The following CNTNAP2 variants were observed in gnomAD, a reference collection of about 807,000 sequenced individuals.
CNTNAP2 encodes the protein contactin-associated protein-like 2.
A neutral mutation model predicts 155.2 loss-of-function variants in CNTNAP2; 98 were observed. The ratio of observed to expected loss-of-function variants is 0.63; its 90% CI spans 0.54 to 0.75. CNTNAP2 has a LOEUF of 0.75. CNTNAP2 is among the 30% of genes least tolerant of loss of function. CNTNAP2 has a pLI of 0.00. For synonymous variants in CNTNAP2, 651 were observed against 631.2 expected (o/e 1.03, Z -0.47); for missense variants, 1,727 against 1,688.1 (o/e 1.02, Z -0.40).
chr7:148,309,704 CA>C (rs1563035981), intron 21 of CNTNAP2, among the ~76,000 whole-genome samples: 2 of 151,968 alleles, frequency 1.3e-5, no homozygotes, highest in Admixed American at 1.3e-4. Flanking sequence ...AAGGCATGAA[CA>C]GGCCATTTTC....
At chr7:147,024,280 A>G (rs144570059) in intron 3 of CNTNAP2, among the ~76,000 whole-genome samples, 1 of 152,346 alleles carries the variant, frequency 6.6e-6, no homozygotes, top group Non-Finnish European at 1.5e-5. Context: ...CGCAATTGCA[A>G]TGGTGGTTAC....
At chr7:146,929,640 C>T (rs1057023341) in intron 3 of CNTNAP2, among the ~76,000 whole-genome samples, 14 of 152,146 alleles carry the variant, frequency 9.2e-5, no homozygotes, top group Non-Finnish European at 1.5e-4. Flanking sequence ...CAAACTACTC[C>T]GAGCTACAGG....
intron 13 of CNTNAP2, among the ~76,000 whole-genome samples, chr7:147,794,221 G>C (rs1487886735): frequency 2.0e-5 from 3 of 151,892 alleles, no homozygotes; most frequent in Non-Finnish European, 4.4e-5. Context: ...ATACATCCTT[G>C]TCTTGTTCCT....
At chr7:147,693,511 C>T (rs1363871696) in intron 13 of CNTNAP2, among the ~76,000 whole-genome samples, 4 of 151,786 alleles carry the variant, frequency 2.6e-5, no homozygotes, top group African/African-American at 7.3e-5. Context: ...TTTCTCTCAT[C>T]AGAGTTTTAT....
chr7:147,373,555 G>A (rs1002978761), intron 9 of CNTNAP2, among the ~76,000 whole-genome samples: 2 of 152,012 alleles, frequency 1.3e-5, no homozygotes, highest in Non-Finnish European at 2.9e-5. Context: ...ATATATTTAT[G>A]AGAACATTGA....
rs764137860 is a variant in CNTNAP2 at position 147,587,002 on chromosome 7, A to C, written c.1897+24745A>C. 7.4e-4 allele frequency among the ~76,000 whole-genome samples: 113 copies of C among 152,280 alleles called. 1 individual carries two copies. The highest frequency in any genetic ancestry group is 1.4e-3 in the Non-Finnish European group (95 of 68,024). ...TTAACTGATACCTTGTTTTTGGTGA[A>C]TTGAGTAGATACTGGCAACCTAACA... On this transcript the variant is annotated intron_variant, in intron 12 of 23. Transcript: ENST00000361727.
intron 1 of CNTNAP2, among the ~76,000 whole-genome samples, chr7:146,733,429 CAAG>C (rs146349022): frequency 0.13 from 19,695 of 151,800 alleles, 1,707 homozygotes; most frequent in East Asian, 0.35. Flanking sequence ...AAACAAAAAA[CAAG>C]AAATAAAATA....
At chr7:146,733,883 C>G (rs1801568135) in intron 1 of CNTNAP2, among the ~76,000 whole-genome samples, 1 of 152,178 alleles carries the variant, frequency 6.6e-6, no homozygotes, top group East Asian at 1.9e-4. Context: ...TTTCATAGTT[C>G]TTTTTCTGTT....
intron 1 of CNTNAP2, among the ~76,000 whole-genome samples, chr7:146,495,374 G>T (rs1301961122): frequency 6.6e-6 from 1 of 152,078 alleles, no homozygotes; most frequent in Non-Finnish European, 1.5e-5. Flanking sequence ...ATGATGTGGG[G>T]GAGAGTTAAC....
intron 22 of CNTNAP2, among the ~76,000 whole-genome samples, chr7:148,387,748 A>G (rs58242263): frequency 0.02 from 3,020 of 149,712 alleles, 111 homozygotes; most frequent in African/African-American, 0.067. Context: ...TTAAAACCCA[A>G]AACTACCTGG....
At position 148,295,290 on chromosome 7, in the gene CNTNAP2, T is replaced by C. The variant is rs6954753; in HGVS notation, c.3475+28164T>C. Among the ~76,000 whole-genome samples the C allele has an allele frequency of 2.9e-3, 443 of 152,302 alleles. 1 individual carries two copies. Among genetic ancestry groups the C allele is most frequent in the African/African-American group, 0.01 (420 of 41,568 alleles). ...TTATTCTGATATTATTTTTATATGA[T>C]AAATGAAATTGTAAAGACCCTAAGT... is the stretch of plus-strand genomic sequence containing the variant. On this transcript the variant is annotated intron_variant, in intron 21 of 23. Coordinates refer to ENST00000361727, the MANE Select transcript of CNTNAP2 (RefSeq NM_014141.6).
chr7:147,138,645 A>C (rs1801536452), intron 8 of CNTNAP2, among the ~76,000 whole-genome samples: 1 of 152,018 alleles, frequency 6.6e-6, no homozygotes, highest in Non-Finnish European at 1.5e-5. Context: ...AATGAAAGGA[A>C]AAAAAGGACC....
chr7:146,747,828 A>G (rs1376648595), intron 1 of CNTNAP2, among the ~76,000 whole-genome samples: 1 of 152,156 alleles, frequency 6.6e-6, no homozygotes, highest in Admixed American at 6.5e-5. Context: ...TGGACTGAAT[A>G]TTTCTTAGTT....
At chr7:146,785,468 A>C (rs547384032) in intron 2 of CNTNAP2, among the ~76,000 whole-genome samples, 1 of 152,352 alleles carries the variant, frequency 6.6e-6, no homozygotes, top group African/African-American at 2.4e-5. Context: ...ATGTGTGAAC[A>C]AGTACATAAA....
chr7:147,150,064 C>G (rs1055449871), intron 8 of CNTNAP2, among the ~76,000 whole-genome samples: 1 of 152,070 alleles, frequency 6.6e-6, no homozygotes, highest in African/African-American at 2.4e-5. Flanking sequence ...CTGTTGTGGA[C>G]GTGTCACGTT....
At chr7:146,146,003 A>G (rs766806964) in intron 1 of CNTNAP2, among the ~76,000 whole-genome samples, 1 of 152,202 alleles carries the variant, frequency 6.6e-6, no homozygotes, top group Non-Finnish European at 1.5e-5. Context: ...TACAATAAAA[A>G]TTTAAACCAC....
At chr7:146,429,369 G>A (rs1401850464) in intron 1 of CNTNAP2, among the ~76,000 whole-genome samples, 5 of 152,040 alleles carry the variant, frequency 3.3e-5, no homozygotes, top group Non-Finnish European at 5.9e-5. Flanking sequence ...TGAGCATGAA[G>A]TGTTTTTCCA....
At chr7:148,207,644 T>C (rs756473672) in intron 18 of CNTNAP2, among the ~76,000 whole-genome samples, 2 of 152,208 alleles carry the variant, frequency 1.3e-5, no homozygotes, top group Non-Finnish European at 2.9e-5. Flanking sequence ...TTTTCTGAAA[T>C]GTATTCAGTG....
chr7:147,181,762 T>C (rs1802460121), intron 8 of CNTNAP2, among the ~76,000 whole-genome samples: 1 of 152,214 alleles, frequency 6.6e-6, no homozygotes, highest in Non-Finnish European at 1.5e-5. Context: ...GGCAGTTCTT[T>C]ATAGAAGAAT....
Sources: gnomAD v4.1 joint callset for allele counts (sites outside exome capture counted in the v4.1 genomes callset) on GRCh38, gnomAD v4.1.1 for gene constraint, MANE v1.5 for transcripts, NCBI Gene and HGNC (gene_info 2026-07-23, HGNC 2026-07-21) for gene names.